The following DPYSL5 variants were observed in gnomAD, a reference collection of about 807,000 sequenced individuals.
DPYSL5 encodes dihydropyrimidinase like 5.
Under a neutral mutation model 58.4 loss-of-function variants are expected in DPYSL5, and 9 were observed. That is an observed-to-expected ratio of 0.15 (90% CI 0.09 to 0.27). The LOEUF (loss-of-function observed/expected upper bound fraction) is 0.27. Ranked by LOEUF, DPYSL5 falls within the 10% of genes least tolerant of loss-of-function variation. The pLI is 1.00. For synonymous variants in DPYSL5, 293 were observed against 301.9 expected (o/e 0.97, Z 0.31); for missense variants, 499 against 770.6 (o/e 0.65, Z 4.17).
In DPYSL5 at chr2:26,866,496, A is replaced by ACG. The variant is rs397943866; in HGVS notation, c.-5+18242_-5+18243insCG. Among the ~76,000 whole-genome samples the ACG allele has an allele frequency of 1.9e-3, 295 of 151,800 alleles. 3 individuals are homozygous for ACG. Among genetic ancestry groups the ACG allele is most frequent in the African/African-American group, 6.6e-3 (272 of 41,388 alleles). The stretch of plus-strand genomic sequence containing the variant: ...CACACACACACACACACACACACAC[A>ACG]ATGTTCATTGTAATTGTTATTTTTT... On this transcript the variant is annotated intron_variant, in intron 1 of 12. Coordinates refer to ENST00000288699, the MANE Select transcript of DPYSL5 (RefSeq NM_020134.4).
At position 26,949,172 on chromosome 2, in the gene DPYSL5, T is replaced by G. The variant is rs1665568232; in HGVS notation, c.*2177T>G. ...TTACTTTCCTGGTAGGCAGCCTGCT[T>G]TGTTTTGCACAGGAAGATAGATTTT... is the stretch of plus-strand genomic sequence containing the variant. On this transcript the variant is annotated 3_prime_UTR_variant, in exon 13 of 13. Transcript: ENST00000288699. 1 of 152,242 alleles carries G rather than the reference T, an allele frequency of 6.6e-6. No individual in the cohort carries two copies. Among genetic ancestry groups the G allele is most frequent in the African/African-American group, 2.4e-5 (1 of 41,456 alleles). 9.4% of individuals were successfully genotyped at this position (152,242 alleles called of 1,614,324 possible).
At chr2:26,861,233 A>T (rs1013431294) in intron 1 of DPYSL5, among the ~76,000 whole-genome samples, 6 of 152,178 alleles carry the variant, frequency 3.9e-5, no homozygotes, top group African/African-American at 1.4e-4. Flanking sequence ...AGTAGGTATG[A>T]CCCATTATTG....
Position 26,944,001 on chromosome 2 carries a change from T to C in DPYSL5, c.1441-655T>C, listed in dbSNP as rs185392284. Among the ~76,000 whole-genome samples the C allele has an allele frequency of 2.8e-4, 42 of 148,986 alleles. 1 individual carries two copies. In the East Asian group the frequency reaches 6.8e-3, roughly 24 times the overall value. ...CTGTGTGGGAGGGCGCTCTCTAAAA[T>C]TGACTTCCGGTTGGGCATGGTGGCT... On this transcript the variant is annotated intron_variant, in intron 11 of 12. Coordinates refer to ENST00000288699, the MANE Select transcript of DPYSL5 (RefSeq NM_020134.4). This position sits in a 1 kb window ranked among gnomAD's most constrained non-coding sequence, Gnocchi z 4.4.
intron 1 of DPYSL5, among the ~76,000 whole-genome samples, chr2:26,879,901 T>C (rs1410162491): frequency 1.3e-5 from 2 of 152,280 alleles, no homozygotes; most frequent in African/African-American, 2.4e-5. Context: ...GTTGTTGTTG[T>C]TGTTGTTGAG....
At chr2:26,853,438 A>G (rs1665803241) in intron 1 of DPYSL5, among the ~76,000 whole-genome samples, 1 of 152,204 alleles carries the variant, frequency 6.6e-6, no homozygotes, top group Non-Finnish European at 1.5e-5. Flanking sequence ...ATTACTATGC[A>G]TTAGGTTACT....
intron 1 of DPYSL5, among the ~76,000 whole-genome samples, chr2:26,860,166 G>T (rs1307426258): frequency 6.6e-6 from 1 of 152,230 alleles, no homozygotes; most frequent in African/African-American, 2.4e-5. Context: ...TAAGTGCTAA[G>T]TGGAGCTAAT....
Position 26,948,316 on chromosome 2 carries a change from G to T in DPYSL5, c.*1321G>T, listed in dbSNP as rs576020425. 1 of 152,322 alleles carries T rather than the reference G, an allele frequency of 6.6e-6. No individual in the cohort carries two copies. Among genetic ancestry groups the T allele is most frequent in the East Asian group, 1.9e-4 (1 of 5,188 alleles). 9.4% of individuals were successfully genotyped at this position (152,322 alleles called of 1,614,324 possible). On this transcript the variant is annotated 3_prime_UTR_variant, in exon 13 of 13. Transcript: ENST00000288699. ...CGTGATCTCCCGTGGTCGGCACCAG[G>T]CCCTTGCCAGCTCATGGCCTCATCT...
rs1371952964 is a variant in DPYSL5, at chr2:26,934,593, C to T, written c.806C>T (p.Ala269Val). Residue 269 changes from alanine (A) to valine (V), a missense_variant, in exon 8 of 13, where the codon GCG becomes GTG. Transcript: ENST00000288699. The surrounding 1 kb of genome is among the most constrained non-coding windows in gnomAD (Gnocchi z 4.3). The part of the protein sequence containing the change: ...AAKMQGKVVL[A>V]ETTTAHATLT... ...CTTCTTCCAGGGAAGGTTGTGCTGG[C>T]GGAGACCACCACTGCACATGCCACG... 2.5e-6 allele frequency: 4 copies of T among 1,612,616 alleles called. No individual in the cohort carries two copies. The highest frequency in any genetic ancestry group is 1.7e-6 in the Non-Finnish European group (2 of 1,179,818).
At position 26,949,964 on chromosome 2, in the gene DPYSL5, T is replaced by A. The variant is rs1665594669; in HGVS notation, c.*2969T>A. ...TTCTTGCCTTAGCTGCTCTCTAGGT[T>A]TGTGGGGTTAAGTTGCCAGAAAATT... On this transcript the variant is annotated 3_prime_UTR_variant, in exon 13 of 13. Coordinates refer to ENST00000288699, the MANE Select transcript of DPYSL5 (RefSeq NM_020134.4). The A allele has an allele frequency of 6.5e-6, 1 of 152,728 alleles. No individual in the cohort carries two copies. 9.5% of individuals were successfully genotyped at this position (152,728 alleles called of 1,614,324 possible).
At chr2:26,909,143 G>T (rs996405906) in intron 2 of DPYSL5, among the ~76,000 whole-genome samples, 1 of 152,158 alleles carries the variant, frequency 6.6e-6, no homozygotes, top group South Asian at 2.1e-4. Flanking sequence ...GATTACTGCA[G>T]CCAGCCACAT....
chr2:26,941,901 G>T (rs751373377), intron 9 of DPYSL5, 49 bp from the exon 10 acceptor site: 5 of 1,612,020 alleles, frequency 3.1e-6, no homozygotes, highest in Non-Finnish European at 4.2e-6. Context: ...AAGGGTTTGA[G>T]ACCCACCCCC....
At chr2:26,864,807 G>A (rs1039206622) in intron 1 of DPYSL5, among the ~76,000 whole-genome samples, 4 of 152,224 alleles carry the variant, frequency 2.6e-5, no homozygotes, top group Admixed American at 2.0e-4. Context: ...GGGGACAGAC[G>A]CCCAAGGTGG....
chr2:26,935,284 C>T (rs1483045469), intron 8 of DPYSL5, among the ~76,000 whole-genome samples: 5 of 152,146 alleles, frequency 3.3e-5, no homozygotes, highest in Non-Finnish European at 7.3e-5. Flanking sequence ...CCATGCAATC[C>T]CAATCTAAAG....
intron 2 of DPYSL5, among the ~76,000 whole-genome samples, chr2:26,902,190 G>T: frequency 6.6e-6 from 1 of 152,138 alleles, no homozygotes; most frequent in Non-Finnish European, 1.5e-5. Flanking sequence ...GAGTGAGGAG[G>T]GAGAGTCAGT....
chr2:26,932,517 T>C (rs1324636292), intron 6 of DPYSL5, among the ~76,000 whole-genome samples: 1 of 152,248 alleles, frequency 6.6e-6, no homozygotes. Context: ...AATTGCACTT[T>C]AGAGCTCTGG....
intron 1 of DPYSL5, among the ~76,000 whole-genome samples, chr2:26,872,159 G>A (rs1417614624): frequency 6.6e-6 from 1 of 152,194 alleles, no homozygotes; most frequent in African/African-American, 2.4e-5. Context: ...AAACTTTGGA[G>A]CACTGGGCTG....
At chr2:26,890,473 G>C (rs956612806) in intron 1 of DPYSL5, among the ~76,000 whole-genome samples, 2 of 152,226 alleles carry the variant, frequency 1.3e-5, no homozygotes, top group Non-Finnish European at 2.9e-5. Context: ...GAGGTCCCAA[G>C]ACCTTGGGAA....
At chr2:26,920,490 G>A (rs1380229125) in intron 2 of DPYSL5, among the ~76,000 whole-genome samples, 1 of 152,180 alleles carries the variant, frequency 6.6e-6, no homozygotes, top group Non-Finnish European at 1.5e-5. Flanking sequence ...TGTTGGCCAG[G>A]CGTGGTGGCT....
At chr2:26,946,826 A>G in intron 12 of DPYSL5, 84 bp from the exon 13 acceptor site, 1 of 1,038,482 alleles carries the variant, frequency 9.6e-7, no homozygotes, top group Middle Eastern at 2.0e-4. Flanking sequence ...GGCCATGCAC[A>G]CAGTGAGCCT....
Sources: gnomAD v4.1 joint callset for allele counts (sites outside exome capture counted in the v4.1 genomes callset) on GRCh38, gnomAD v4.1.1 for gene constraint, Gnocchi (gnomAD v3.1) non-coding constraint, MANE v1.5 for transcripts, NCBI Gene and HGNC (gene_info 2026-07-23, HGNC 2026-07-21) for gene names.